SPAG16: variants seen among roughly 807,000 people sequenced by gnomAD.
SPAG16 encodes the protein sperm associated antigen 16, also known as sperm-associated antigen 16 protein.
A neutral mutation model predicts 80.4 loss-of-function variants in SPAG16; 86 were observed. The ratio of observed to expected loss-of-function variants is 1.07; its 90% CI spans 0.90 to 1.28. SPAG16 has a LOEUF of 1.28. Ranked by LOEUF, SPAG16 falls within the 50% of genes most tolerant of loss-of-function variation. The pLI, the probability that SPAG16 is intolerant of heterozygous loss-of-function variation, is 0.00. For synonymous variants in SPAG16, 294 were observed against 265.9 expected, an observed-to-expected ratio of 1.11 and a Z score of -1.03; for missense variants, 870 against 765.3, an observed-to-expected ratio of 1.14 and a Z score of -1.61.
intron 10 of SPAG16, among the ~76,000 whole-genome samples, chr2:213,537,271 C>T (rs886804886): frequency 2.6e-5 from 4 of 151,538 alleles, no homozygotes; most frequent in Admixed American, 2.0e-4. Context: ...ATGTAACTAA[C>T]CTTCACATTG....
At chr2:214,067,966 A>C (rs1286707393) in intron 13 of SPAG16, among the ~76,000 whole-genome samples, 1 of 152,226 alleles carries the variant, frequency 6.6e-6, no homozygotes, top group East Asian at 1.9e-4. Flanking sequence ...TCAAATTAGA[A>C]TTTAACCTTC....
At chr2:213,833,539 A>ATATAATATT (rs1259909122) in intron 10 of SPAG16, among the ~76,000 whole-genome samples, 1 of 756 alleles carries the variant, frequency 1.3e-3, no homozygotes, top group African/African-American at 4.9e-3. Flanking sequence ...TATTATATAT[A>ATATAATATT]ATATATATAA....
intron 10 of SPAG16, among the ~76,000 whole-genome samples, chr2:213,662,587 T>C (rs1195060762): frequency 1.3e-5 from 2 of 152,164 alleles, no homozygotes; most frequent in African/African-American, 4.8e-5. Context: ...TATTTAGCCA[T>C]ATACCAATAC....
chr2:214,146,342 G>A (rs2055636149), intron 14 of SPAG16, among the ~76,000 whole-genome samples: 1 of 152,100 alleles, frequency 6.6e-6, no homozygotes, highest in South Asian at 2.1e-4. Context: ...TTCCTGAAAT[G>A]GGAGAAAGAA....
At chr2:213,386,666 A>G (rs1221366570) in intron 9 of SPAG16, among the ~76,000 whole-genome samples, 1 of 152,176 alleles carries the variant, frequency 6.6e-6, no homozygotes, top group Non-Finnish European at 1.5e-5. Context: ...ATCACATTTT[A>G]CTTATATATT....
chr2:214,077,975 G>C (rs2051164259), intron 13 of SPAG16, among the ~76,000 whole-genome samples: 1 of 152,156 alleles, frequency 6.6e-6, no homozygotes, highest in African/African-American at 2.4e-5. Context: ...CTCTGGGCTT[G>C]CATCTCTTAA....
chr2:214,168,084 A>C (rs2056733517), intron 15 of SPAG16, among the ~76,000 whole-genome samples: 1 of 146,820 alleles, frequency 6.8e-6, no homozygotes, highest in Non-Finnish European at 1.5e-5. Flanking sequence ...CCGTCTCCCG[A>C]GGTCAAAGGA....
intron 15 of SPAG16, among the ~76,000 whole-genome samples, chr2:214,278,659 A>C (rs1374861458): frequency 6.6e-6 from 1 of 152,234 alleles, no homozygotes; most frequent in Admixed American, 6.5e-5. Flanking sequence ...AAATAAAATG[A>C]GGAAATATGA....
At position 214,135,486 on chromosome 2, in the gene SPAG16, G is replaced by A. The variant is rs577910592; in HGVS notation, c.1594-13654G>A. On this transcript the variant is annotated intron_variant, in intron 14 of 15. Transcript: ENST00000331683. ...GCATCTAAGTGGTTTCATGGGTCCC[G>A]GAGTTCGGATGTCTGACCCCTCCAA... 1.8e-3 allele frequency among the ~76,000 whole-genome samples: 279 copies of A among 152,162 alleles called. 4 individuals carry two copies. Among genetic ancestry groups the A allele is most frequent in the African/African-American group, 5.2e-3 (215 of 41,524 alleles).
At chr2:214,353,711 C>T (rs1244695627) in intron 15 of SPAG16, among the ~76,000 whole-genome samples, 1 of 152,092 alleles carries the variant, frequency 6.6e-6, no homozygotes, top group Non-Finnish European at 1.5e-5. Context: ...ATTTAAACTT[C>T]TCCTGCATCT....
At chr2:213,648,683 T>C (rs1221941819) in intron 10 of SPAG16, among the ~76,000 whole-genome samples, 3 of 152,170 alleles carry the variant, frequency 2.0e-5, no homozygotes, top group Non-Finnish European at 4.4e-5. Context: ...TTAAATTTTC[T>C]TTAACAAAGG....
chr2:213,946,121 ATT>A (rs912750810), intron 12 of SPAG16, among the ~76,000 whole-genome samples: 1 of 151,850 alleles, frequency 6.6e-6, no homozygotes, highest in Non-Finnish European at 1.5e-5. Context: ...TGTTGGGGAA[ATT>A]TTTTTGTGTG....
At chr2:213,369,963 A>C (rs2066542506) in intron 8 of SPAG16, among the ~76,000 whole-genome samples, 1 of 152,198 alleles carries the variant, frequency 6.6e-6, no homozygotes, top group Admixed American at 6.6e-5. Flanking sequence ...CGTTCTGTGG[A>C]ATTCAACACA....
intron 14 of SPAG16, among the ~76,000 whole-genome samples, chr2:214,114,929 G>A (rs2003598): frequency 0.12 from 18,958 of 152,146 alleles, 1,344 homozygotes; most frequent in Non-Finnish European, 0.16. Flanking sequence ...TTCCTATTTG[G>A]CCATCTTGGA....
At chr2:214,247,106 A>G (rs1243394940) in intron 15 of SPAG16, among the ~76,000 whole-genome samples, 1 of 152,152 alleles carries the variant, frequency 6.6e-6, no homozygotes, top group Non-Finnish European at 1.5e-5. Context: ...TGAGGGCTAC[A>G]GGCTGGGTGT....
At chr2:213,422,963 G>A (rs2069688495) in intron 9 of SPAG16, among the ~76,000 whole-genome samples, 1 of 152,206 alleles carries the variant, frequency 6.6e-6, no homozygotes, top group African/African-American at 2.4e-5. Flanking sequence ...GGATTTCCAT[G>A]ACAGCAAGGC....
At chr2:214,016,533 A>G (rs922841727) in intron 13 of SPAG16, among the ~76,000 whole-genome samples, 8 of 152,216 alleles carry the variant, frequency 5.3e-5, no homozygotes, top group Admixed American at 5.2e-4. Context: ...TGTAGGGACT[A>G]CACTTTCAAA....
chr2:213,452,798 GC>G (rs1559147528), intron 9 of SPAG16, among the ~76,000 whole-genome samples: 2 of 152,176 alleles, frequency 1.3e-5, no homozygotes, highest in African/African-American at 4.8e-5. Context: ...CTTTGCATAT[GC>G]CCTAACACAA....
Position 213,647,959 on chromosome 2 carries a change from T to C in SPAG16, c.1070+157869T>C, listed in dbSNP as rs112004321. Among the ~76,000 whole-genome samples the C allele has an allele frequency of 1.5e-3, 226 of 152,342 alleles. 1 individual carries two copies. The highest frequency in any genetic ancestry group is 4.4e-3 in the African/African-American group (183 of 41,588). On this transcript the variant is annotated intron_variant, in intron 10 of 15. Transcript: ENST00000331683. ...AGATGTGTTAGGTTTGATAGCAAAG[T>C]GTAGCCAGGATGTTTAAAATTTGCT...
Sources: gnomAD v4.1 joint callset for allele counts (sites outside exome capture counted in the v4.1 genomes callset) on GRCh38, gnomAD v4.1.1 for gene constraint, MANE v1.5 for transcripts, NCBI Gene and HGNC (gene_info 2026-07-23, HGNC 2026-07-21) for gene names.